GRID2: variants seen among roughly 807,000 people sequenced by gnomAD.
The protein encoded by GRID2 is glutamate ionotropic receptor delta type subunit 2.
Under a neutral mutation model 114.8 loss-of-function variants are expected in GRID2, and 33 were observed. The ratio of observed to expected loss-of-function variants is 0.29; its 90% CI spans 0.22 to 0.38. GRID2 has a LOEUF of 0.38. Among genes scored for constraint, GRID2 ranks in the 10% least tolerant of loss-of-function variants. The pLI is 1.00. For missense variants in GRID2, 1,184 were observed against 1,257.7 expected (o/e 0.94, Z 0.89); for synonymous variants, 505 against 449.9 (o/e 1.12, Z -1.55).
intron 13 of GRID2, among the ~76,000 whole-genome samples, chr4:93,608,296 C>CTTTTTTTTTTTTTTTATTTTTTTTTTT (rs774334616): frequency 3.6e-4 from 42 of 116,890 alleles, no homozygotes; most frequent in East Asian, 1.2e-3. Flanking sequence ...ATTTTTTTTT[C>CTTTTTTTTTTTTTTTATTTTTTTTTTT]TTTTTTTTTT....
intron 1 of GRID2, among the ~76,000 whole-genome samples, chr4:92,586,042 T>TA (rs34674765): frequency 0.41 from 61,660 of 151,424 alleles, 12,726 homozygotes; most frequent in African/African-American, 0.49. Flanking sequence ...AATTTAATGT[T>TA]AAAAAGATTT....
At chr4:93,538,744 A>G (rs1732359361) in intron 13 of GRID2, among the ~76,000 whole-genome samples, 1 of 151,846 alleles carries the variant, frequency 6.6e-6, no homozygotes, top group Non-Finnish European at 1.5e-5. Context: ...ACTCCAAAAT[A>G]CTACACCAGT....
At chr4:93,062,493 T>C (rs748915547) in intron 2 of GRID2, among the ~76,000 whole-genome samples, 1 of 152,108 alleles carries the variant, frequency 6.6e-6, no homozygotes, top group Non-Finnish European at 1.5e-5. Context: ...CCAAAGAGCG[T>C]CATTAGACAT....
intron 2 of GRID2, among the ~76,000 whole-genome samples, chr4:92,872,503 T>C (rs961359765): frequency 6.6e-6 from 1 of 152,082 alleles, no homozygotes; most frequent in African/African-American, 2.4e-5. Flanking sequence ...TAGAATTAAA[T>C]GATGGAAATT....
rs145890628 is a variant in GRID2 at position 92,913,448 on chromosome 4, C to T, written c.245-171547C>T. ...TCTCCATCTATGCATTCACAAGGCA[C>T]ACATGTCTTTCAAGATTATCCTAAA... On this transcript the variant is annotated intron_variant, in intron 2 of 15. Transcript: ENST00000282020. Among the ~76,000 whole-genome samples, 1,001 of 151,986 alleles carry T rather than the reference C, an allele frequency of 6.6e-3. 5 individuals are homozygous for T. The highest frequency in any genetic ancestry group is 0.011 in the Non-Finnish European group (743 of 67,848).
intron 1 of GRID2, among the ~76,000 whole-genome samples, chr4:92,428,241 A>G (rs1328193648): frequency 6.6e-6 from 1 of 152,076 alleles, no homozygotes; most frequent in African/African-American, 2.4e-5. Context: ...CAGCCTGGGC[A>G]ACAGAACGAG....
chr4:92,346,683 A>G (rs976951445), intron 1 of GRID2, among the ~76,000 whole-genome samples: 1 of 152,154 alleles, frequency 6.6e-6, no homozygotes, highest in Admixed American at 6.5e-5. Flanking sequence ...ATACAATATC[A>G]GGGAGAAAAT....
At chr4:93,592,765 G>A (rs1184088105) in intron 13 of GRID2, among the ~76,000 whole-genome samples, 2 of 152,140 alleles carry the variant, frequency 1.3e-5, no homozygotes, top group South Asian at 2.1e-4. Flanking sequence ...TACATATTTA[G>A]GACAGTTAGC....
At chr4:92,357,829 C>T (rs1000751533) in intron 1 of GRID2, among the ~76,000 whole-genome samples, 2 of 151,650 alleles carry the variant, frequency 1.3e-5, no homozygotes, top group African/African-American at 4.8e-5. Context: ...CTATATTGAA[C>T]AAGTCATTAA....
At position 93,618,970 on chromosome 4, in the gene GRID2, A is replaced by G. The variant is rs751807463; in HGVS notation, c.2194-7299A>G. On this transcript the variant is annotated intron_variant, in intron 13 of 15. Transcript: ENST00000282020. ...AAAAATATATTTAGTATTCCTGATA[A>G]TCTCCAAAAGAACAGGCAAGAAATA... 1.6e-3 allele frequency among the ~76,000 whole-genome samples: 244 copies of G among 152,330 alleles called. 2 individuals are homozygous for G. In the Middle Eastern group the frequency reaches 0.027, roughly 17 times the overall value.
At chr4:92,348,889 A>G (rs932392772) in intron 1 of GRID2, among the ~76,000 whole-genome samples, 29 of 152,140 alleles carry the variant, frequency 1.9e-4, no homozygotes, top group African/African-American at 6.5e-4. Flanking sequence ...GAGATTGAAG[A>G]TAACTAATTA....
intron 1 of GRID2, among the ~76,000 whole-genome samples, chr4:92,444,212 G>T (rs565855441): frequency 1.6e-4 from 24 of 152,286 alleles, no homozygotes; most frequent in Middle Eastern, 3.4e-3. Flanking sequence ...ATTCATGCGC[G>T]TCTGTGTGAA....
chr4:93,735,772 A>G (rs985864821), intron 14 of GRID2, among the ~76,000 whole-genome samples: 9 of 152,162 alleles, frequency 5.9e-5, no homozygotes, highest in African/African-American at 2.2e-4. Flanking sequence ...CTACATGACC[A>G]CCTTAGTGAA....
chr4:93,765,821 A>T (rs897557486), intron 14 of GRID2, among the ~76,000 whole-genome samples: 6 of 151,948 alleles, frequency 3.9e-5, no homozygotes, highest in Non-Finnish European at 7.4e-5. Context: ...TGAGGGCATT[A>T]AAAAAATGGC....
chr4:93,392,388 A>C (rs1257302683), intron 8 of GRID2, among the ~76,000 whole-genome samples: 1 of 152,290 alleles, frequency 6.6e-6, no homozygotes, highest in East Asian at 1.9e-4. Flanking sequence ...AAATTCTTCT[A>C]GTTTTTATCA....
chr4:93,221,020 A>G (rs1317267286), intron 6 of GRID2, among the ~76,000 whole-genome samples: 2 of 152,196 alleles, frequency 1.3e-5, no homozygotes, highest in Non-Finnish European at 2.9e-5. Context: ...AATTACATGA[A>G]GAATCCTGGT....
At chr4:92,906,436 C>T (rs1747959019) in intron 2 of GRID2, among the ~76,000 whole-genome samples, 1 of 125,316 alleles carries the variant, frequency 8.0e-6, no homozygotes, top group South Asian at 2.6e-4. Flanking sequence ...CAAAGGAGAG[C>T]TGAATTTTAG....
In GRID2 at chr4:93,315,343, T is replaced by C. The variant is rs149984524; in HGVS notation, c.1245+76853T>C. Among the ~76,000 whole-genome samples, 1,399 of 152,248 alleles carry C rather than the reference T, an allele frequency of 9.2e-3. 13 individuals carry two copies. The highest frequency in any genetic ancestry group is 0.014 in the Non-Finnish European group (928 of 68,016). ...TATGGGGATCTAATGTACAGCATTATATATAAACACATTTTATAATGGAAA... is the reference window on the plus strand; with the variant it reads ...TATGGGGATCTAATGTACAGCATTACATATAAACACATTTTATAATGGAAA... On this transcript the variant is annotated intron_variant, in intron 8 of 15. Transcript: ENST00000282020.
At chr4:92,427,599 G>T (rs898616389) in intron 1 of GRID2, among the ~76,000 whole-genome samples, 1 of 152,030 alleles carries the variant, frequency 6.6e-6, no homozygotes, top group African/African-American at 2.4e-5. Flanking sequence ...TTAAGAAAAT[G>T]TAAATAAAGA....
Sources: allele counts gnomAD v4.1 joint callset (sites outside exome capture counted in the v4.1 genomes callset), GRCh38; gene constraint gnomAD v4.1.1; transcripts MANE v1.5; gene names NCBI Gene and HGNC (gene_info 2026-07-23, HGNC 2026-07-21).